The following ATP11A variants were observed in gnomAD, a reference collection of about 807,000 sequenced individuals.
ATP11A encodes phospholipid-transporting ATPase IH.
ATP11A carries 81 observed loss-of-function variants against 154.4 expected under a neutral mutation model. That is an observed-to-expected ratio of 0.52 (90% CI 0.44 to 0.63). The LOEUF is 0.63. Among genes scored for constraint, ATP11A ranks in the 30% least tolerant of loss-of-function variants. ATP11A has a pLI of 0.00. For synonymous variants in ATP11A, 623 were observed against 585.9 expected (o/e 1.06, Z -0.91); for missense variants, 1,316 against 1,474.3 (o/e 0.89, Z 1.76).
In ATP11A at chr13:112,864,146, C is replaced by T. The variant is rs1278270182; in HGVS notation, c.2991+1571C>T. 2.3e-4 allele frequency among the ~76,000 whole-genome samples: 25 copies of T among 106,854 alleles called. No homozygotes were observed. In the East Asian group the frequency reaches 5.0e-3, roughly 21 times the overall value. 70.1% of individuals were successfully genotyped at this position (106,854 alleles called of 152,430 possible). A position where few individuals can be genotyped will look rare whatever the true frequency, so the allele number is the denominator to read the frequency against. ...CAGTGCAGCACGTGCAGCTTCCCAG[C>T]GGGGTCCATCACCACCTGCGCAGTA... On this transcript the variant is annotated intron_variant, in intron 25 of 29. Transcript: ENST00000375645.
chr13:112,794,830 C>A (rs866562116), intron 2 of ATP11A, among the ~76,000 whole-genome samples: 1 of 149,296 alleles, frequency 6.7e-6, no homozygotes, highest in Non-Finnish European at 1.5e-5. Context: ...ATTGTGCCAA[C>A]GCACTCCAGC....
chr13:112,867,335 C>T (rs1201537186), intron 25 of ATP11A, among the ~76,000 whole-genome samples: 2 of 152,222 alleles, frequency 1.3e-5, no homozygotes, highest in African/African-American at 4.8e-5. Flanking sequence ...CTCCAGACTT[C>T]ATGGTGTTGC....
At chr13:112,805,986 G>A (rs1221736863) in intron 3 of ATP11A, among the ~76,000 whole-genome samples, 1 of 152,064 alleles carries the variant, frequency 6.6e-6, no homozygotes, top group Non-Finnish European at 1.5e-5. Context: ...GCCACTCTCG[G>A]TGGTTTCCTT....
chr13:112,862,957 C>T (rs1406706331), intron 25 of ATP11A, among the ~76,000 whole-genome samples: 3 of 148,248 alleles, frequency 2.0e-5, no homozygotes, highest in Non-Finnish European at 4.4e-5. Context: ...AGCTTCCCAG[C>T]GGGATCCATC....
At chr13:112,802,070 C>T (rs1017084780) in intron 2 of ATP11A, among the ~76,000 whole-genome samples, 5 of 152,108 alleles carry the variant, frequency 3.3e-5, no homozygotes, top group African/African-American at 4.8e-5. Flanking sequence ...AGCGGCTGGG[C>T]GTGGCGGCTC....
chr13:112,733,732 A>G (rs72660018), intron 1 of ATP11A, among the ~76,000 whole-genome samples: 82 of 152,296 alleles, frequency 5.4e-4, no homozygotes, highest in Non-Finnish European at 8.8e-4. Context: ...ACTTTAGGGG[A>G]AAAATAATAT....
chr13:112,800,106 T>C (rs2078094312), intron 2 of ATP11A, among the ~76,000 whole-genome samples: 1 of 151,958 alleles, frequency 6.6e-6, no homozygotes, highest in African/African-American at 2.4e-5. Flanking sequence ...TCTACAAGCT[T>C]CAACATTAGG....
chr13:112,802,212 G>C (rs1410601513), intron 2 of ATP11A, among the ~76,000 whole-genome samples: 1 of 152,160 alleles, frequency 6.6e-6, no homozygotes, highest in African/African-American at 2.4e-5. Flanking sequence ...CGGGCGTGGT[G>C]GTGGGCGCCT....
At chr13:112,700,705 G>A (rs1389389235) in intron 1 of ATP11A, among the ~76,000 whole-genome samples, 2 of 152,194 alleles carry the variant, frequency 1.3e-5, no homozygotes, top group African/African-American at 2.4e-5. Context: ...TCGCAGAAGC[G>A]TCCGAGCTTA....
At chr13:112,809,759 ACC>A (rs2078436172) in intron 4 of ATP11A, among the ~76,000 whole-genome samples, 1 of 152,166 alleles carries the variant, frequency 6.6e-6, no homozygotes, top group Non-Finnish European at 1.5e-5. Flanking sequence ...AGGCACCTGC[ACC>A]CAGCAACGCC....
chr13:112,825,777 G>C (rs1417975610), intron 11 of ATP11A, among the ~76,000 whole-genome samples, 197 bp downstream of exon 11: 1 of 152,206 alleles, frequency 6.6e-6, no homozygotes, highest in Non-Finnish European at 1.5e-5. Flanking sequence ...CTTTGGATCT[G>C]GAAAGGTACA....
chr13:112,707,365 A>C lies in ATP11A; in HGVS notation c.39+16910A>C, dbSNP rs1259861815. On this transcript the variant is annotated intron_variant, in intron 1 of 29. Coordinates refer to ENST00000375645, the MANE Select transcript of ATP11A (RefSeq NM_015205.3). ...AGGAGACAGAGGTTGCAGTGAGCTA[A>C]GATCACACCATTGCACTCCAGCCTG... 9.9e-5 allele frequency among the ~76,000 whole-genome samples: 15 copies of C among 151,736 alleles called. No individual in the cohort carries two copies. The South Asian group carries it at 1.7e-3, about 17-fold the overall frequency.
At chr13:112,816,453 A>T (rs1330325143) in intron 6 of ATP11A, among the ~76,000 whole-genome samples, 1 of 152,126 alleles carries the variant, frequency 6.6e-6, no homozygotes, top group African/African-American at 2.4e-5. Context: ...ATGTTATAAG[A>T]TACATATTTT....
chr13:112,756,213 C>T (rs1022386766), intron 1 of ATP11A, among the ~76,000 whole-genome samples: 2 of 152,246 alleles, frequency 1.3e-5, no homozygotes, highest in African/African-American at 4.8e-5. Flanking sequence ...AAAACTTAGT[C>T]TGTGAAACAG....
intron 2 of ATP11A, among the ~76,000 whole-genome samples, chr13:112,787,703 T>C (rs77044667): frequency 0.017 from 1,059 of 63,808 alleles, no homozygotes; most frequent in African/African-American, 0.035. Flanking sequence ...ATGCGTAGAC[T>C]CCTGTGGAGA....
At chr13:112,801,693 C>G (rs1043618151) in intron 2 of ATP11A, among the ~76,000 whole-genome samples, 2 of 152,164 alleles carry the variant, frequency 1.3e-5, no homozygotes, top group Non-Finnish European at 2.9e-5. Flanking sequence ...TTTAACCCCC[C>G]CACCCACCAA....
chr13:112,819,432 A>C, intron 7 of ATP11A, 25 bp downstream of exon 7: 1 of 1,610,506 alleles, frequency 6.2e-7, no homozygotes, highest in South Asian at 1.1e-5. Flanking sequence ...TGGGTTCTTT[A>C]GAAACGGTTT....
chr13:112,706,236 C>G (rs1887127535), intron 1 of ATP11A, among the ~76,000 whole-genome samples: 1 of 152,076 alleles, frequency 6.6e-6, no homozygotes, highest in South Asian at 2.1e-4. Flanking sequence ...AAGGTAAAAA[C>G]TTGAATGTGA....
At chr13:112,770,585 C>T (rs941052926) in intron 1 of ATP11A, among the ~76,000 whole-genome samples, 2 of 152,166 alleles carry the variant, frequency 1.3e-5, no homozygotes, top group African/African-American at 2.4e-5. Flanking sequence ...GCTTACATGC[C>T]GGGACGAAGG....
Sources: gnomAD v4.1 joint callset for allele counts (sites outside exome capture counted in the v4.1 genomes callset) on GRCh38, gnomAD v4.1.1 for gene constraint, MANE v1.5 for transcripts, NCBI Gene and HGNC (gene_info 2026-07-23, HGNC 2026-07-21) for gene names.